Variants in GRID2 observed in about 807,000 individuals in gnomAD.
The protein encoded by GRID2 is glutamate ionotropic receptor delta type subunit 2.
Under a neutral mutation model 114.8 loss-of-function variants are expected in GRID2, and 33 were observed. The ratio of observed to expected loss-of-function variants is 0.29; its 90% CI spans 0.22 to 0.38. The LOEUF is 0.38. Among genes scored for constraint, GRID2 ranks in the 10% least tolerant of loss-of-function variants. GRID2 has a pLI of 1.00. For synonymous variants in GRID2, 505 were observed against 449.9 expected, an observed-to-expected ratio of 1.12 and a Z score of -1.55; for missense variants, 1,184 against 1,257.7, an observed-to-expected ratio of 0.94 and a Z score of 0.89.
At chr4:92,819,304 A>C (rs1357956709) in intron 2 of GRID2, among the ~76,000 whole-genome samples, 2 of 152,074 alleles carry the variant, frequency 1.3e-5, no homozygotes, top group African/African-American at 4.8e-5. Flanking sequence ...ATTCAACCCC[A>C]ATTGCTGAGA....
At chr4:92,646,099 T>C (rs1223408074) in intron 2 of GRID2, among the ~76,000 whole-genome samples, 1 of 84,614 alleles carries the variant, frequency 1.2e-5, no homozygotes, top group African/African-American at 3.9e-5. Context: ...ACTCTTGGCA[T>C]CACTTGTTAT....
intron 2 of GRID2, among the ~76,000 whole-genome samples, chr4:92,760,516 C>A (rs1737955915): frequency 6.6e-6 from 1 of 152,090 alleles, no homozygotes; most frequent in African/African-American, 2.4e-5. Flanking sequence ...TCTCCACAGC[C>A]AATCCAGCTT....
At chr4:92,547,418 T>C (rs1453669758) in intron 1 of GRID2, among the ~76,000 whole-genome samples, 1 of 152,176 alleles carries the variant, frequency 6.6e-6, no homozygotes, top group East Asian at 1.9e-4. Flanking sequence ...TATGTATGAG[T>C]TGATTAAACA....
intron 12 of GRID2, among the ~76,000 whole-genome samples, chr4:93,512,521 C>T (rs1729295118): frequency 6.6e-6 from 1 of 152,050 alleles, no homozygotes; most frequent in African/African-American, 2.4e-5. Flanking sequence ...TTGGTGCTAT[C>T]TTAGTGTGCT....
chr4:93,622,068 A>G (rs778785448), intron 13 of GRID2, among the ~76,000 whole-genome samples: 9 of 152,150 alleles, frequency 5.9e-5, no homozygotes, highest in Non-Finnish European at 1.3e-4. Context: ...ACAGTTTAAA[A>G]CAGAAGATAA....
intron 9 of GRID2, among the ~76,000 whole-genome samples, chr4:93,398,267 G>A (rs1359557525): frequency 6.6e-6 from 1 of 150,780 alleles, no homozygotes; most frequent in East Asian, 2.0e-4. Flanking sequence ...AGAAGAAATT[G>A]AAGAATAACA....
At chr4:92,920,462 G>T (rs1180720509) in intron 2 of GRID2, among the ~76,000 whole-genome samples, 1 of 152,048 alleles carries the variant, frequency 6.6e-6, no homozygotes, top group Non-Finnish European at 1.5e-5. Context: ...TTACAATTTG[G>T]CATGTTTTTG....
At chr4:92,891,841 T>C (rs1369174642) in intron 2 of GRID2, among the ~76,000 whole-genome samples, 1 of 152,180 alleles carries the variant, frequency 6.6e-6, no homozygotes, top group Non-Finnish European at 1.5e-5. Context: ...CTGATATATG[T>C]AATGCATAAA....
chr4:92,540,979 T>A (rs1725912419), intron 1 of GRID2, among the ~76,000 whole-genome samples: 1 of 152,208 alleles, frequency 6.6e-6, no homozygotes, highest in African/African-American at 2.4e-5. Context: ...ACGGATGAGT[T>A]CATGTCCTTT....
intron 2 of GRID2, among the ~76,000 whole-genome samples, chr4:92,731,861 T>C (rs1346546657): frequency 1.3e-5 from 2 of 151,972 alleles, no homozygotes; most frequent in African/African-American, 4.8e-5. Context: ...ACTTGATTAT[T>C]TGACCATCAC....
intron 8 of GRID2, among the ~76,000 whole-genome samples, chr4:93,330,445 T>C (rs1484885536): frequency 1.3e-5 from 2 of 152,340 alleles, no homozygotes; most frequent in South Asian, 2.1e-4. Flanking sequence ...ATTATATATT[T>C]AGTTAATTGC....
chr4:93,164,689 GA>G, intron 4 of GRID2: 1 of 425,758 alleles, frequency 2.3e-6, no homozygotes, highest in Non-Finnish European at 4.8e-6. Context: ...AGCTTTGGGA[GA>G]AAAGTGACAA....
intron 2 of GRID2, among the ~76,000 whole-genome samples, chr4:92,820,798 G>C (rs548977134): frequency 6.6e-6 from 1 of 152,008 alleles, no homozygotes; most frequent in African/African-American, 2.4e-5. Context: ...AATTTTTACT[G>C]AAATCAATAT....
chr4:93,162,636 A>C (rs546889219), intron 4 of GRID2, among the ~76,000 whole-genome samples: 5 of 152,120 alleles, frequency 3.3e-5, no homozygotes, highest in Admixed American at 1.3e-4. Context: ...TTACAGGTAC[A>C]TCATCAACCT....
intron 2 of GRID2, among the ~76,000 whole-genome samples, chr4:93,077,788 C>A (rs1702810717): frequency 1.3e-5 from 2 of 152,130 alleles, no homozygotes; most frequent in Admixed American, 6.5e-5. Flanking sequence ...TTTAGATAAA[C>A]TGATAATTTT....
intron 2 of GRID2, among the ~76,000 whole-genome samples, chr4:92,786,312 A>G (rs971328453): frequency 2.6e-5 from 4 of 151,934 alleles, no homozygotes; most frequent in East Asian, 3.9e-4. Flanking sequence ...TGATAACTTT[A>G]GTCAAGAAGA....
chr4:93,488,990 A>G (rs1046349836), intron 11 of GRID2, among the ~76,000 whole-genome samples: 1 of 152,036 alleles, frequency 6.6e-6, no homozygotes, highest in Admixed American at 6.6e-5. Context: ...AATTTGAGAG[A>G]GAAATAATTT....
At chr4:92,732,903 T>C (rs1312735458) in intron 2 of GRID2, among the ~76,000 whole-genome samples, 1 of 152,168 alleles carries the variant, frequency 6.6e-6, no homozygotes, top group Non-Finnish European at 1.5e-5. Flanking sequence ...ATTTTGTGGC[T>C]GTAAGGCCTA....
chr4:93,769,120 C>A (rs1423174254), intron 14 of GRID2, 90 bp from the exon 15 acceptor site: 3 of 1,261,526 alleles, frequency 2.4e-6, no homozygotes, highest in South Asian at 1.3e-5. Flanking sequence ...CAGCCACCAT[C>A]CTACAGAGGT....
Sources: gnomAD v4.1 joint callset for allele counts (sites outside exome capture counted in the v4.1 genomes callset) on GRCh38, gnomAD v4.1.1 for gene constraint, MANE v1.5 for transcripts, NCBI Gene and HGNC (gene_info 2026-07-23, HGNC 2026-07-21) for gene names.